The following KHDRBS2 variants were observed in gnomAD, a reference collection of about 807,000 sequenced individuals.
KHDRBS2 encodes KH domain-containing, RNA-binding, signal transduction-associated protein 2.
KHDRBS2 carries 26 observed loss-of-function variants against 44.3 expected under a neutral mutation model. The ratio of observed to expected loss-of-function variants is 0.59; its 90% CI spans 0.43 to 0.81. The LOEUF (loss-of-function observed/expected upper bound fraction) is 0.81. KHDRBS2 is among the 40% of genes least tolerant of loss of function. The pLI, the probability that KHDRBS2 is intolerant of heterozygous loss-of-function variation, is 0.00. For synonymous variants in KHDRBS2, 194 were observed against 151.1 expected (o/e 1.28, Z -2.08); for missense variants, 476 against 433.1 (o/e 1.10, Z -0.88).
At chr6:61,909,403 T>G (rs1013585930) in intron 4 of KHDRBS2, among the ~76,000 whole-genome samples, 1 of 152,186 alleles carries the variant, frequency 6.6e-6, no homozygotes, top group Non-Finnish European at 1.5e-5. Flanking sequence ...CTGGATTTTA[T>G]ATTTATTTTC....
intron 2 of KHDRBS2, among the ~76,000 whole-genome samples, chr6:62,108,014 C>T (rs9454321): frequency 0.51 from 76,967 of 151,870 alleles, 19,918 homozygotes; most frequent in Non-Finnish European, 0.55. Context: ...TAGGCATTAC[C>T]ATTCAGGACA....
At chr6:62,195,691 G>C (rs953712760) in intron 1 of KHDRBS2, among the ~76,000 whole-genome samples, 2 of 152,040 alleles carry the variant, frequency 1.3e-5, no homozygotes, top group African/African-American at 4.8e-5. Context: ...TTCAGTGAAT[G>C]AATGTAAAAG....
intron 1 of KHDRBS2, among the ~76,000 whole-genome samples, chr6:62,231,552 A>G (rs1832903336): frequency 6.6e-6 from 1 of 152,134 alleles, no homozygotes; most frequent in African/African-American, 2.4e-5. Flanking sequence ...GGGTGGGGAC[A>G]CACAAGAGCC....
intron 3 of KHDRBS2, among the ~76,000 whole-genome samples, chr6:62,044,825 G>A (rs572741915): frequency 2.0e-5 from 3 of 152,174 alleles, no homozygotes; most frequent in Non-Finnish European, 2.9e-5. Context: ...GTAAAGTCAG[G>A]CAAAGTTGAG....
intron 6 of KHDRBS2, among the ~76,000 whole-genome samples, chr6:61,786,384 T>C (rs189649868): frequency 6.6e-6 from 1 of 152,060 alleles, no homozygotes; most frequent in Non-Finnish European, 1.5e-5. Flanking sequence ...TATAACATTT[T>C]ATTTGCTTAA....
chr6:61,705,677 A>G (rs981236385), intron 7 of KHDRBS2, among the ~76,000 whole-genome samples: 4 of 151,818 alleles, frequency 2.6e-5, no homozygotes, highest in Non-Finnish European at 5.9e-5. Context: ...TAGGAATATT[A>G]GATGAGCTGT....
At chr6:61,890,779 C>A (rs1801704055) in intron 6 of KHDRBS2, among the ~76,000 whole-genome samples, 1 of 151,072 alleles carries the variant, frequency 6.6e-6, no homozygotes, top group Non-Finnish European at 1.5e-5. Flanking sequence ...AGGGCTAGTC[C>A]CTGAGTTTTT....
chr6:61,907,886 C>T lies in KHDRBS2; in HGVS notation c.484-6515G>A, dbSNP rs542269132. Reference sequence around the variant, plus strand: ...TTATTTGTTGCATGTGTTGCTGATGCTTCAGTTATATAAAACTTTACAGAT... The same window carrying T: ...TTATTTGTTGCATGTGTTGCTGATGTTTCAGTTATATAAAACTTTACAGAT... On this transcript the variant is annotated intron_variant, in intron 4 of 8. Transcript: ENST00000281156. 9.9e-5 allele frequency among the ~76,000 whole-genome samples: 15 copies of T among 152,250 alleles called. No individual in the cohort carries two copies. In the South Asian group the frequency reaches 3.1e-3, roughly 32 times the overall value.
At chr6:61,703,013 T>C (rs1768942031) in intron 7 of KHDRBS2, among the ~76,000 whole-genome samples, 1 of 151,860 alleles carries the variant, frequency 6.6e-6, no homozygotes, top group Non-Finnish European at 1.5e-5. Context: ...AAATCACTGA[T>C]AATTGCCATA....
At chr6:61,967,889 TAC>T (rs1376903832) in intron 4 of KHDRBS2, among the ~76,000 whole-genome samples, 19 of 118,210 alleles carry the variant, frequency 1.6e-4, no homozygotes, top group Admixed American at 2.9e-4. Context: ...CACACAAACA[TAC>T]ACACACACAC....
the KHDRBS2 span, among the ~76,000 whole-genome samples, chr6:61,612,818 TAAAACTGTTC>T: frequency 6.8e-6 from 1 of 147,014 alleles, no homozygotes; most frequent in African/African-American, 2.5e-5. Context: ...CAAAGTAGTC[TAAAACTGTTC>T]AAAATGCAGC....
intron 3 of KHDRBS2, among the ~76,000 whole-genome samples, chr6:62,047,230 AT>A (rs1470027322): frequency 6.6e-6 from 1 of 151,952 alleles, no homozygotes; most frequent in African/African-American, 2.4e-5. Flanking sequence ...ACAAATTGTC[AT>A]TTCTCCCAAA....
chr6:61,842,063 T>C (rs754890047), intron 6 of KHDRBS2, among the ~76,000 whole-genome samples: 2 of 152,174 alleles, frequency 1.3e-5, no homozygotes, highest in African/African-American at 2.4e-5. Flanking sequence ...TAAATGCACC[T>C]CACTCTATGT....
the KHDRBS2 span, among the ~76,000 whole-genome samples, chr6:61,612,998 G>C: frequency 2.0e-5 from 3 of 151,584 alleles, no homozygotes; most frequent in Non-Finnish European, 2.9e-5. Context: ...GACTACAGGT[G>C]CCCGCCACAA....
intron 2 of KHDRBS2, among the ~76,000 whole-genome samples, chr6:62,063,035 T>C (rs1329579951): frequency 6.7e-6 from 1 of 148,688 alleles, no homozygotes; most frequent in Non-Finnish European, 1.5e-5. Context: ...CTAGAAGAAA[T>C]GGATACATTC....
At chr6:61,938,418 G>A (rs2127373130) in intron 4 of KHDRBS2, among the ~76,000 whole-genome samples, 1 of 152,256 alleles carries the variant, frequency 6.6e-6, no homozygotes, top group Middle Eastern at 3.4e-3. Context: ...AGTATTTTGA[G>A]ACAATCATGA....
At chr6:62,250,469 T>C (rs1197530741) in intron 1 of KHDRBS2, among the ~76,000 whole-genome samples, 3 of 151,774 alleles carry the variant, frequency 2.0e-5, no homozygotes, top group African/African-American at 4.8e-5. Context: ...ATTTCAGATA[T>C]AGAAAATTAG....
At chr6:61,910,244 A>G (rs761744361) in intron 4 of KHDRBS2, among the ~76,000 whole-genome samples, 17 of 152,254 alleles carry the variant, frequency 1.1e-4, no homozygotes, top group Non-Finnish European at 2.1e-4. Flanking sequence ...ATTAAATAAC[A>G]TCTCTTAGCC....
chr6:61,884,688 C>G (rs1375802093), intron 6 of KHDRBS2, among the ~76,000 whole-genome samples: 2 of 152,042 alleles, frequency 1.3e-5, no homozygotes, highest in African/African-American at 4.8e-5. Flanking sequence ...ACCTTTGTTA[C>G]TGTTACACTA....
Sources: gnomAD v4.1 joint callset for allele counts (sites outside exome capture counted in the v4.1 genomes callset) on GRCh38, gnomAD v4.1.1 for gene constraint, MANE v1.5 for transcripts, NCBI Gene and HGNC (gene_info 2026-07-23, HGNC 2026-07-21) for gene names.